NUBPL: variants seen among roughly 807,000 people sequenced by gnomAD.
The protein encoded by NUBPL is NUBP iron-sulfur cluster assembly factor, mitochondrial.
Under a neutral mutation model 45.7 loss-of-function variants are expected in NUBPL, and 31 were observed. That is an observed-to-expected ratio of 0.68 (90% confidence interval 0.51 to 0.92). The LOEUF (loss-of-function observed/expected upper bound fraction) is 0.92. NUBPL is among the 40% of genes least tolerant of loss of function. The probability of loss-of-function intolerance (pLI) is 0.00; values close to 1 mark genes in which losing one functional copy is unlikely to be tolerated. For missense variants in NUBPL, 401 were observed against 398.7 expected (o/e 1.01, Z -0.05); for synonymous variants, 144 against 140.9 (o/e 1.02, Z -0.15).
chr14:31,610,693 T>C (rs2034732841), intron 4 of NUBPL, among the ~76,000 whole-genome samples: 1 of 149,626 alleles, frequency 6.7e-6, no homozygotes, highest in Non-Finnish European at 1.5e-5. Context: ...AATAAAATAC[T>C]AGGAAACCAA....
intron 4 of NUBPL, among the ~76,000 whole-genome samples, chr14:31,642,813 T>C (rs779255865): frequency 8.5e-5 from 13 of 152,148 alleles, no homozygotes; most frequent in Non-Finnish European, 1.5e-4. Flanking sequence ...TTTGTAAAAA[T>C]GTCCTCTTCA....
At chr14:31,652,438 A>C (rs958789255) in intron 4 of NUBPL, among the ~76,000 whole-genome samples, 1 of 152,180 alleles carries the variant, frequency 6.6e-6, no homozygotes. Context: ...AAGAGAGTAC[A>C]TTTTAAGTGT....
intron 7 of NUBPL, among the ~76,000 whole-genome samples, chr14:31,798,162 A>C (rs373562651): frequency 6.6e-6 from 1 of 151,966 alleles, no homozygotes; most frequent in Non-Finnish European, 1.5e-5. Context: ...ATTCATTCCT[A>C]TGAGTGCCTC....
At chr14:31,671,748 G>C (rs1318045957) in intron 4 of NUBPL, among the ~76,000 whole-genome samples, 1 of 152,202 alleles carries the variant, frequency 6.6e-6, no homozygotes, top group Non-Finnish European at 1.5e-5. Flanking sequence ...TACACTCATT[G>C]AGTATTCCTT....
At chr14:31,829,299 C>T (rs2040153614) in intron 8 of NUBPL, among the ~76,000 whole-genome samples, 1 of 151,494 alleles carries the variant, frequency 6.6e-6, no homozygotes, top group Admixed American at 6.6e-5. Context: ...AATTATTTGC[C>T]TTCTAAACTA....
chr14:31,571,423 T>C (rs115509112), intron 3 of NUBPL, among the ~76,000 whole-genome samples: 1,821 of 152,104 alleles, frequency 0.012, 29 homozygotes, highest in African/African-American at 0.034. Context: ...CAGCAGCTCA[T>C]TGAAGTGTTC....
At chr14:31,753,355 G>A (rs1024599591) in intron 6 of NUBPL, among the ~76,000 whole-genome samples, 9 of 152,244 alleles carry the variant, frequency 5.9e-5, no homozygotes, top group Middle Eastern at 3.4e-3. Context: ...GGTTGCTGGT[G>A]GCAGTGGGTG....
At chr14:31,765,892 A>G (rs1260148638) in intron 6 of NUBPL, among the ~76,000 whole-genome samples, 1 of 152,214 alleles carries the variant, frequency 6.6e-6, no homozygotes, top group Admixed American at 6.5e-5. Context: ...ACACATATGT[A>G]TACACAAAAA....
intron 3 of NUBPL, among the ~76,000 whole-genome samples, chr14:31,587,872 G>A (rs1025197546): frequency 3.0e-4 from 45 of 152,100 alleles, no homozygotes; most frequent in African/African-American, 9.7e-4. Flanking sequence ...GGATCATTTT[G>A]TTATTCTTAA....
At chr14:31,583,393 T>C (rs2033914812) in intron 3 of NUBPL, among the ~76,000 whole-genome samples, 1 of 152,188 alleles carries the variant, frequency 6.6e-6, no homozygotes, top group Admixed American at 6.5e-5. Flanking sequence ...ATTAACTACC[T>C]GCTATATATT....
intron 8 of NUBPL, among the ~76,000 whole-genome samples, chr14:31,832,728 AT>A (rs1349060158): frequency 6.6e-6 from 1 of 152,182 alleles, no homozygotes; most frequent in East Asian, 1.9e-4. Flanking sequence ...TTGCAGAGGC[AT>A]TTTTGCATAG....
rs116598713 is a variant in NUBPL, at chr14:31,776,232, T to C, written c.514-11548T>C. Among the ~76,000 whole-genome samples the C allele has an allele frequency of 6.5e-3, 993 of 152,320 alleles. 12 individuals carry two copies. The highest frequency in any genetic ancestry group is 0.022 in the African/African-American group (930 of 41,572). On this transcript the variant is annotated intron_variant, in intron 6 of 10. Transcript: ENST00000281081. ...TGTTTTGCTAGTTCTTATTTCCCTA[T>C]ACTTAGTAAAATATAATTTATACAA...
chr14:31,723,622 T>C (rs370662501), intron 6 of NUBPL, among the ~76,000 whole-genome samples: 2 of 152,232 alleles, frequency 1.3e-5, no homozygotes, highest in East Asian at 1.9e-4. Context: ...CTGATTTCTT[T>C]GAGCAGTGTT....
chr14:31,769,654 CT>C (rs200176265), intron 6 of NUBPL, among the ~76,000 whole-genome samples: 6 of 149,176 alleles, frequency 4.0e-5, no homozygotes, highest in East Asian at 1.9e-4. Flanking sequence ...TAACCCTCTC[CT>C]TTTTTTTAAA....
Position 31,754,658 on chromosome 14 carries a change from C to T in NUBPL, c.514-33122C>T, listed in dbSNP as rs373575164. Among the ~76,000 whole-genome samples, 25 of 131,924 alleles carry T rather than the reference C, an allele frequency of 1.9e-4. No individual in the cohort carries two copies. In the East Asian group the frequency reaches 2.6e-3, roughly 14 times the overall value. 86.5% of individuals were successfully genotyped at this position (131,924 alleles called of 152,430 possible). On this transcript the variant is annotated intron_variant, in intron 6 of 10. Coordinates refer to ENST00000281081, the MANE Select transcript of NUBPL (RefSeq NM_025152.3). ...AGATTCATTTTTATTTTTCTTGTTG[C>T]AGGCAAGCATATTAGGGGCTGGCTA...
chr14:31,577,757 CTG>C (rs1284690666), intron 3 of NUBPL, among the ~76,000 whole-genome samples: 1 of 152,176 alleles, frequency 6.6e-6, no homozygotes, highest in Non-Finnish European at 1.5e-5. Flanking sequence ...ATTTTGCACT[CTG>C]TACTTGATGT....
At chr14:31,731,214 A>G (rs1040145310) in intron 6 of NUBPL, among the ~76,000 whole-genome samples, 4 of 152,224 alleles carry the variant, frequency 2.6e-5, no homozygotes, top group Non-Finnish European at 5.9e-5. Context: ...GTGTAAAGAG[A>G]ATTAGTGAAC....
At chr14:31,570,492 T>G (rs1284421104) in intron 3 of NUBPL, among the ~76,000 whole-genome samples, 1 of 152,202 alleles carries the variant, frequency 6.6e-6, no homozygotes, top group Non-Finnish European at 1.5e-5. Flanking sequence ...AGTATTGTTT[T>G]AAGTAGAGCA....
chr14:31,700,772 C>T (rs886074511), intron 6 of NUBPL, among the ~76,000 whole-genome samples: 18 of 152,284 alleles, frequency 1.2e-4, no homozygotes, highest in Middle Eastern at 3.4e-3. Flanking sequence ...GGGCCTCAGC[C>T]GCCCCTCCAC....
Sources: allele counts gnomAD v4.1 joint callset (sites outside exome capture counted in the v4.1 genomes callset), GRCh38; gene constraint gnomAD v4.1.1; transcripts MANE v1.5; gene names NCBI Gene and HGNC (gene_info 2026-07-23, HGNC 2026-07-21).